The following ADGRB3 variants were observed in gnomAD, a reference collection of about 807,000 sequenced individuals.
The protein encoded by ADGRB3 is brain-specific angiogenesis inhibitor 3.
ADGRB3 carries 37 observed loss-of-function variants against 193.4 expected under a neutral mutation model. The observed-to-expected ratio is 0.19, with a 90% CI of 0.15 to 0.25. The LOEUF is 0.25. Among genes scored for constraint, ADGRB3 ranks in the 10% least tolerant of loss-of-function variants. The probability of loss-of-function intolerance (pLI) is 1.00; values close to 1 mark genes in which losing one functional copy is unlikely to be tolerated. For missense variants in ADGRB3, 1,637 were observed against 1,852.9 expected, an observed-to-expected ratio of 0.88 and a Z score of 2.14; for synonymous variants, 690 against 644.2, an observed-to-expected ratio of 1.07 and a Z score of -1.08.
chr6:69,176,926 C>T (rs1775442408), intron 17 of ADGRB3, among the ~76,000 whole-genome samples: 2 of 152,122 alleles, frequency 1.3e-5, no homozygotes, highest in African/African-American at 4.8e-5. Flanking sequence ...TATAGGTATT[C>T]ATAATAGTCT....
At chr6:68,953,249 T>C (rs972920649) in intron 6 of ADGRB3, among the ~76,000 whole-genome samples, 5 of 152,156 alleles carry the variant, frequency 3.3e-5, no homozygotes, top group African/African-American at 1.2e-4. Context: ...AAATTTACCT[T>C]AAAGCAGAAT....
rs780079804 is a variant in ADGRB3 at position 69,361,106 on chromosome 6, G to A, written c.3833G>A (p.Arg1278Gln). Residue 1278 changes from arginine to glutamine, a missense_variant, in exon 29 of 32, where the codon CGG becomes CAG. Physicochemically the swap from Arg to Gln is conservative, Grantham distance 43 (BLOSUM62 1). Coordinates refer to ENST00000370598, the MANE Select transcript of ADGRB3 (RefSeq NM_001704.3). The part of the protein sequence containing the change: ...PCLKKENSEL[R>Q]RTVYLCTDDN... ...TTGAAAAAAGAAAATAGTGAATTGC[G>A]GAGAACTGTGTACTTATGTACGGAT... 6.8e-6 allele frequency: 11 copies of A among 1,612,628 alleles called. No homozygotes were observed. Among genetic ancestry groups the A allele is most frequent in the African/African-American group, 4.0e-5 (3 of 74,794 alleles).
intron 3 of ADGRB3, among the ~76,000 whole-genome samples, chr6:68,785,174 A>G (rs1766938265): frequency 6.6e-6 from 1 of 152,020 alleles, no homozygotes; most frequent in Admixed American, 6.6e-5. Flanking sequence ...TTATTATTGT[A>G]CTTTAAGTTT....
chr6:68,776,565 T>C (rs1011016096), intron 3 of ADGRB3, among the ~76,000 whole-genome samples: 8 of 152,148 alleles, frequency 5.3e-5, no homozygotes, highest in African/African-American at 1.9e-4. Context: ...TAAACATTGG[T>C]GAGAGAAGCC....
At chr6:68,798,613 C>T (rs1767256684) in intron 3 of ADGRB3, among the ~76,000 whole-genome samples, 1 of 152,040 alleles carries the variant, frequency 6.6e-6, no homozygotes, top group Non-Finnish European at 1.5e-5. Context: ...AGCAAACCAC[C>T]ATGGCACATG....
At chr6:69,090,233 A>G (rs1187636181) in intron 17 of ADGRB3, among the ~76,000 whole-genome samples, 1 of 152,224 alleles carries the variant, frequency 6.6e-6, no homozygotes, top group African/African-American at 2.4e-5. Flanking sequence ...CTCATCTCCA[A>G]GAAAGTGCCT....
At chr6:68,942,316 T>G (rs569571496) in intron 5 of ADGRB3, among the ~76,000 whole-genome samples, 1 of 152,282 alleles carries the variant, frequency 6.6e-6, no homozygotes, top group South Asian at 2.1e-4. Flanking sequence ...GGCTTACCCT[T>G]ACCAATGTTA....
At chr6:69,275,782 C>T (rs560663324) in intron 20 of ADGRB3, among the ~76,000 whole-genome samples, 8 of 151,938 alleles carry the variant, frequency 5.3e-5, no homozygotes, top group East Asian at 1.9e-4. Context: ...TTTCACAGTA[C>T]ATGGGAGTAT....
intron 3 of ADGRB3, among the ~76,000 whole-genome samples, chr6:68,913,128 A>C (rs1219082709): frequency 6.6e-6 from 1 of 152,196 alleles, no homozygotes; most frequent in African/African-American, 2.4e-5. Context: ...GCACTGACAA[A>C]CAAAAAGACA....
chr6:68,744,650 C>T (rs1167695425), intron 3 of ADGRB3, among the ~76,000 whole-genome samples: 1 of 152,062 alleles, frequency 6.6e-6, no homozygotes, highest in African/African-American at 2.4e-5. Context: ...GAAAACCAAA[C>T]ACCACATGTT....
intron 17 of ADGRB3, among the ~76,000 whole-genome samples, chr6:69,170,775 A>G (rs1775251910): frequency 6.6e-6 from 1 of 152,052 alleles, no homozygotes; most frequent in African/African-American, 2.4e-5. Context: ...CATTGGAGCA[A>G]GAGCTCGAAA....
intron 3 of ADGRB3, among the ~76,000 whole-genome samples, chr6:68,789,524 G>A (rs1373372091): frequency 3.3e-5 from 5 of 152,296 alleles, no homozygotes; most frequent in South Asian, 2.1e-4. Flanking sequence ...GGAGAGATCA[G>A]CTGTTAGTCT....
chr6:68,813,589 G>T (rs558090185), intron 3 of ADGRB3, among the ~76,000 whole-genome samples: 2 of 151,692 alleles, frequency 1.3e-5, no homozygotes, highest in Admixed American at 6.6e-5. Context: ...AAGTTTTAGG[G>T]TACATGTGCA....
At chr6:69,143,285 A>T (rs776958076) in intron 17 of ADGRB3, among the ~76,000 whole-genome samples, 6 of 151,462 alleles carry the variant, frequency 4.0e-5, no homozygotes, top group Non-Finnish European at 8.8e-5. Context: ...CTGGTTATTG[A>T]TCTCTTGTCA....
At chr6:69,318,822 T>C (rs1269868923) in intron 20 of ADGRB3, among the ~76,000 whole-genome samples, 1 of 149,096 alleles carries the variant, frequency 6.7e-6, no homozygotes, top group Non-Finnish European at 1.5e-5. Context: ...TTATGTAGCT[T>C]GTCAAGGGTG....
At chr6:68,998,843 G>GCTGT (rs1409329019) in intron 11 of ADGRB3, among the ~76,000 whole-genome samples, 1 of 152,190 alleles carries the variant, frequency 6.6e-6, no homozygotes, top group Admixed American at 6.5e-5. Context: ...TGTCTGGTCA[G>GCTGT]CTGTCGGGTC....
At chr6:69,026,163 C>T (rs1261704296) in intron 13 of ADGRB3, among the ~76,000 whole-genome samples, 3 of 152,136 alleles carry the variant, frequency 2.0e-5, no homozygotes, top group African/African-American at 4.8e-5. Flanking sequence ...GGTAGAGATA[C>T]AGATGTCAAA....
At chr6:68,879,263 C>T (rs1343448544) in intron 3 of ADGRB3, among the ~76,000 whole-genome samples, 1 of 132,538 alleles carries the variant, frequency 7.5e-6, no homozygotes, top group East Asian at 2.4e-4. Flanking sequence ...ATCCCCCAGG[C>T]TGGAGTGCAG....
In ADGRB3 at chr6:68,956,726, C is replaced by T. The variant is rs1257226873; in HGVS notation, c.1442C>T (p.Thr481Ile). The change falls in exon 8 of 32, where the codon ACC (threonine) becomes ATC (isoleucine). Residue 481 changes from threonine (T) to isoleucine (I), a missense_variant. Coordinates refer to ENST00000370598, the MANE Select transcript of ADGRB3 (RefSeq NM_001704.3). ...GGCGGCTGGGAAAGGCGAATAAGGACCTGTCAGGGTGCAGTGATAACAGGG... is the reference window on the plus strand; with the variant it reads ...GGCGGCTGGGAAAGGCGAATAAGGATCTGTCAGGGTGCAGTGATAACAGGG... ...CDGGWERRIR[T>I]CQGAVITGQQ... 2.5e-6 allele frequency: 4 copies of T among 1,613,950 alleles called. No homozygotes were observed. The highest frequency in any genetic ancestry group is 1.7e-6 in the Non-Finnish European group (2 of 1,179,974).
Sources: allele counts gnomAD v4.1 joint callset (sites outside exome capture counted in the v4.1 genomes callset), GRCh38; gene constraint gnomAD v4.1.1; transcripts MANE v1.5; gene names NCBI Gene and HGNC (gene_info 2026-07-23, HGNC 2026-07-21).